The following WWOX variants were observed in gnomAD, a reference collection of about 807,000 sequenced individuals.
The protein encoded by WWOX is WW domain-containing oxidoreductase.
Under a neutral mutation model 46.2 loss-of-function variants are expected in WWOX, and 69 were observed. The ratio of observed to expected loss-of-function variants is 1.49; its 90% CI spans 1.23 to 1.82. The LOEUF (loss-of-function observed/expected upper bound fraction) is 1.82. Ranked by LOEUF, WWOX falls within the 40% of genes most tolerant of loss-of-function variation. The probability of loss-of-function intolerance (pLI) is 0.00; values close to 1 mark genes in which losing one functional copy is unlikely to be tolerated. For missense variants in WWOX, 919 were observed against 542.6 expected (o/e 1.69, Z -6.89); for synonymous variants, 359 against 202.6 (o/e 1.77, Z -6.56).
chr16:78,565,148 G>A (rs78886615), intron 8 of WWOX, among the ~76,000 whole-genome samples: 1 of 152,294 alleles, frequency 6.6e-6, no homozygotes, highest in African/African-American at 2.4e-5. Flanking sequence ...TCTGACTTTG[G>A]CATTGGTGCC....
At chr16:78,424,107 C>CTTTTTTTTTTTTTTTTT (rs199817825) in intron 6 of WWOX, among the ~76,000 whole-genome samples, 27 of 102,090 alleles carry the variant, frequency 2.6e-4, no homozygotes, top group African/African-American at 4.8e-4. Flanking sequence ...CTTTTCTTTT[C>CTTTTTTTTTTTTTTTTT]TTTTTTTTTT....
intron 8 of WWOX, among the ~76,000 whole-genome samples, chr16:78,775,339 C>T (rs746668586): frequency 2.0e-5 from 3 of 152,178 alleles, no homozygotes; most frequent in South Asian, 4.1e-4. Context: ...GTGTCATCCC[C>T]TCCCCACCCC....
At chr16:78,803,856 C>G (rs572987062) in intron 8 of WWOX, among the ~76,000 whole-genome samples, 1 of 152,174 alleles carries the variant, frequency 6.6e-6, no homozygotes, top group East Asian at 1.9e-4. Flanking sequence ...AGTCAGAGCT[C>G]AAAAATTGAG....
At chr16:78,874,255 C>CAAAA (rs55971104) in intron 8 of WWOX, among the ~76,000 whole-genome samples, 1 of 91,536 alleles carries the variant, frequency 1.1e-5, no homozygotes, top group Non-Finnish European at 2.2e-5. Context: ...GACTCTGTCT[C>CAAAA]AAAAAAAAAA....
At chr16:78,980,787 TTCA>T (rs910434933) in intron 8 of WWOX, among the ~76,000 whole-genome samples, 1 of 152,192 alleles carries the variant, frequency 6.6e-6, no homozygotes, top group African/African-American at 2.4e-5. Flanking sequence ...AGGGCTTATT[TTCA>T]TCATCTGGAA....
chr16:78,299,296 G>A (rs891917225), intron 5 of WWOX, among the ~76,000 whole-genome samples: 3 of 152,000 alleles, frequency 2.0e-5, no homozygotes, highest in Admixed American at 1.3e-4. Flanking sequence ...TCCTCCTGCC[G>A]TGCCTGGCCA....
chr16:79,076,390 C>G (rs1401385477), intron 8 of WWOX, among the ~76,000 whole-genome samples: 1 of 152,192 alleles, frequency 6.6e-6, no homozygotes, highest in Non-Finnish European at 1.5e-5. Flanking sequence ...TCATTCTCAC[C>G]CTTTTCCTTC....
intron 8 of WWOX, among the ~76,000 whole-genome samples, chr16:78,613,590 C>G (rs929087093): frequency 2.0e-5 from 3 of 152,166 alleles, no homozygotes; most frequent in South Asian, 2.1e-4. Flanking sequence ...ACTGGTTCAA[C>G]ACACCTGAAT....
chr16:78,907,796 G>C (rs918989971), intron 8 of WWOX, among the ~76,000 whole-genome samples: 1 of 152,148 alleles, frequency 6.6e-6, no homozygotes, highest in East Asian at 1.9e-4. Context: ...ATGTAATGGA[G>C]CCAGTCCTAG....
At chr16:78,495,547 C>A (rs148156334) in intron 8 of WWOX, among the ~76,000 whole-genome samples, 2,816 of 147,870 alleles carry the variant, frequency 0.019, 92 homozygotes, top group African/African-American at 0.068. Context: ...CTCACTTTGT[C>A]ACCTAGGCTG....
chr16:78,702,013 A>ATATG (rs1555519495), intron 8 of WWOX, among the ~76,000 whole-genome samples: 2 of 110,162 alleles, frequency 1.8e-5, no homozygotes, highest in African/African-American at 1.2e-4. Context: ...AAAATTATAT[A>ATATG]TATATATATA....
intron 8 of WWOX, among the ~76,000 whole-genome samples, chr16:78,717,142 C>G (rs976749202): frequency 2.6e-5 from 4 of 152,174 alleles, no homozygotes; most frequent in Non-Finnish European, 5.9e-5. Context: ...CAGAGGTGCT[C>G]TGTGTAAATC....
chr16:79,130,179 A>T (rs1261407924), intron 8 of WWOX, among the ~76,000 whole-genome samples: 2 of 152,202 alleles, frequency 1.3e-5, no homozygotes, highest in Admixed American at 6.5e-5. Context: ...TTGGGATTTC[A>T]AACCCAGAGT....
chr16:78,797,824 C>T (rs1003374115), intron 8 of WWOX, among the ~76,000 whole-genome samples: 5 of 152,104 alleles, frequency 3.3e-5, no homozygotes, highest in African/African-American at 1.2e-4. Context: ...TCTGTCTCTA[C>T]AAAAAATACA....
intron 8 of WWOX, among the ~76,000 whole-genome samples, chr16:78,733,975 C>T (rs1179433784): frequency 6.6e-6 from 1 of 150,436 alleles, no homozygotes; most frequent in Non-Finnish European, 1.5e-5. Flanking sequence ...CGGGAGGATC[C>T]TCTGCACCCA....
intron 8 of WWOX, among the ~76,000 whole-genome samples, chr16:78,966,018 C>G (rs1359146791): frequency 6.6e-6 from 1 of 152,170 alleles, no homozygotes; most frequent in Non-Finnish European, 1.5e-5. Context: ...AAAAAGTTAT[C>G]TCCAGGTGCT....
intron 3 of WWOX, among the ~76,000 whole-genome samples, chr16:78,114,003 A>G (rs2032638346): frequency 6.6e-6 from 1 of 151,540 alleles, no homozygotes; most frequent in South Asian, 2.1e-4. Flanking sequence ...AGATATTCTG[A>G]GGTCTTTATC....
chr16:78,702,858 T>C (rs1298110870), intron 8 of WWOX, among the ~76,000 whole-genome samples: 1 of 152,060 alleles, frequency 6.6e-6, no homozygotes, highest in African/African-American at 2.4e-5. Flanking sequence ...TTTTCCACCA[T>C]TGTTAAATCC....
chr16:78,132,387 A>G (rs1764118354), intron 4 of WWOX, among the ~76,000 whole-genome samples: 1 of 152,194 alleles, frequency 6.6e-6, no homozygotes, highest in African/African-American at 2.4e-5. Flanking sequence ...AAGAAAAGCA[A>G]AATCTACAGT....
Sources: gnomAD v4.1 joint callset for allele counts (sites outside exome capture counted in the v4.1 genomes callset) on GRCh38, gnomAD v4.1.1 for gene constraint, MANE v1.5 for transcripts, NCBI Gene and HGNC (gene_info 2026-07-23, HGNC 2026-07-21) for gene names.